The following PIP5K1B variants were observed in gnomAD, a reference collection of about 807,000 sequenced individuals.
The protein encoded by PIP5K1B is phosphatidylinositol-4-phosphate 5-kinase type 1 beta, also known as phosphatidylinositol 4-phosphate 5-kinase type-1 beta.
Under a neutral mutation model 67.0 loss-of-function variants are expected in PIP5K1B, and 42 were observed. The observed-to-expected ratio is 0.63, with a 90% CI of 0.49 to 0.81. The LOEUF is 0.81. Among genes scored for constraint, PIP5K1B ranks in the 30% least tolerant of loss-of-function variants. The pLI is 0.00. For synonymous variants in PIP5K1B, 214 were observed against 231.4 expected (o/e 0.92, Z 0.68); for missense variants, 459 against 646.3 (o/e 0.71, Z 3.14).
At chr9:68,839,245 T>G (rs1165280872) in intron 4 of PIP5K1B, among the ~76,000 whole-genome samples, 1 of 152,148 alleles carries the variant, frequency 6.6e-6, no homozygotes, top group Non-Finnish European at 1.5e-5. Context: ...GCTTCTTCAT[T>G]TGCAAAATTT....
At chr9:68,780,356 G>A in intron 2 of PIP5K1B, 1 of 1,612,202 alleles carries the variant, frequency 6.2e-7, no homozygotes, top group African/African-American at 1.3e-5. Context: ...ACAGCACAAC[G>A]TTCCCGAGCC....
intron 4 of PIP5K1B, among the ~76,000 whole-genome samples, chr9:68,829,432 A>C (rs1217004390): frequency 6.6e-6 from 1 of 152,232 alleles, no homozygotes; most frequent in Non-Finnish European, 1.5e-5. Context: ...CTCAACCAGC[A>C]ATTCTGCCTC....
In PIP5K1B at chr9:68,916,340, G is replaced by A. The variant is rs190436227; in HGVS notation, c.772-1208G>A. On this transcript the variant is annotated intron_variant, in intron 8 of 15. Transcript: ENST00000265382. ...GCTCTTCCGTCTGAAAAGGTCCTGA[G>A]TGTCAAAGCCCCACCTATACCCTGA... 6.1e-4 allele frequency among the ~76,000 whole-genome samples: 93 copies of A among 152,288 alleles called. 1 individual carries two copies. The highest frequency in any genetic ancestry group is 2.2e-3 in the African/African-American group (90 of 41,548).
At chr9:68,836,793 C>T (rs1016438681) in intron 4 of PIP5K1B, among the ~76,000 whole-genome samples, 7 of 152,156 alleles carry the variant, frequency 4.6e-5, no homozygotes, top group Non-Finnish European at 1.0e-4. Context: ...GGCTGTCTTA[C>T]CAGAAGCCAG....
intron 1 of PIP5K1B, among the ~76,000 whole-genome samples, chr9:68,724,047 A>G (rs1318327156): frequency 6.6e-6 from 1 of 151,958 alleles, no homozygotes; most frequent in South Asian, 2.1e-4. Context: ...TGATTTTTGT[A>G]TATGGTAAAA....
intron 1 of PIP5K1B, among the ~76,000 whole-genome samples, chr9:68,720,504 AT>A (rs200134056): frequency 9.6e-5 from 14 of 146,312 alleles, no homozygotes; most frequent in Admixed American, 2.7e-4. Flanking sequence ...ACACACCCTC[AT>A]TTTTTTTTTA....
At position 68,760,783 on chromosome 9, in the gene PIP5K1B, C is replaced by T. The variant is rs141713060; in HGVS notation, c.-86+18126C>T. The stretch of plus-strand genomic sequence containing the variant: ...TAATACGTAGGAGCTCACAAATATG[C>T]TAAAAATAAATGAGCATATGCCAAA... On this transcript the variant is annotated intron_variant, in intron 2 of 15. Transcript: ENST00000265382. Among the ~76,000 whole-genome samples the T allele has an allele frequency of 3.0e-3, 449 of 152,130 alleles. 10 individuals are homozygous for T. The highest frequency in any genetic ancestry group is 0.024 in the Admixed American group (365 of 15,260).
At chr9:68,906,388 T>A (rs1194304995) in intron 8 of PIP5K1B, among the ~76,000 whole-genome samples, 2 of 152,176 alleles carry the variant, frequency 1.3e-5, no homozygotes, top group Non-Finnish European at 2.9e-5. Context: ...ATACTGCATT[T>A]CTAAGTGACA....
At chr9:68,884,110 A>C (rs1824335532) in intron 6 of PIP5K1B, among the ~76,000 whole-genome samples, 1 of 152,222 alleles carries the variant, frequency 6.6e-6, no homozygotes, top group Non-Finnish European at 1.5e-5. Context: ...TCCTGAATGC[A>C]ACCCCAAAAG....
chr9:68,922,574 A>C (rs1826461595), intron 11 of PIP5K1B, among the ~76,000 whole-genome samples: 1 of 152,234 alleles, frequency 6.6e-6, no homozygotes, highest in African/African-American at 2.4e-5. Flanking sequence ...GATTTGGATA[A>C]ATGATTACTA....
rs1829934798 is a variant in PIP5K1B at position 68,756,570 on chromosome 9, ATTTTC to A, written c.-86+13918_-86+13922del. Among the ~76,000 whole-genome samples the A allele has an allele frequency of 4.6e-5, 7 of 152,100 alleles. No individual in the cohort carries two copies. In the South Asian group the frequency reaches 1.2e-3, roughly 27 times the overall value. ...TGAAAATAAAGAGAATTAGAAAAGA[ATTTTC>A]TTTTATCTTTCACCTTGTTTGAGGA... On this transcript the variant is annotated intron_variant, in intron 2 of 15. Coordinates refer to ENST00000265382, the MANE Select transcript of PIP5K1B (RefSeq NM_003558.4).
chr9:68,789,191 A>G (rs557595108), intron 2 of PIP5K1B: 4 of 538,006 alleles, frequency 7.4e-6, no homozygotes, highest in African/African-American at 1.9e-5. Flanking sequence ...ATCCAGTGGG[A>G]AGTTGGTCAC....
chr9:68,948,215 C>CT (rs1827893855), intron 14 of PIP5K1B, among the ~76,000 whole-genome samples: 1 of 152,178 alleles, frequency 6.6e-6, no homozygotes. Flanking sequence ...AAAAACCTTC[C>CT]TTATTCTTCA....
At chr9:68,874,621 A>T (rs966010065) in intron 5 of PIP5K1B, among the ~76,000 whole-genome samples, 46 of 152,212 alleles carry the variant, frequency 3.0e-4, no homozygotes, top group African/African-American at 9.9e-4. Flanking sequence ...ATAATAGTAA[A>T]TGCAGCATCC....
At chr9:68,815,254 C>T (rs1406201671) in intron 2 of PIP5K1B, among the ~76,000 whole-genome samples, 1 of 104,430 alleles carries the variant, frequency 9.6e-6, no homozygotes, top group East Asian at 3.2e-4. Flanking sequence ...AGCCTAAATG[C>T]TTTTGGTACT....
intron 1 of PIP5K1B, among the ~76,000 whole-genome samples, chr9:68,709,723 G>T (rs1449571816): frequency 6.6e-6 from 1 of 152,110 alleles, no homozygotes; most frequent in Non-Finnish European, 1.5e-5. Context: ...ACCAGCCTGG[G>T]CAACATAGCA....
chr9:68,753,512 TTTC>T, intron 2 of PIP5K1B, among the ~76,000 whole-genome samples: 2 of 96,406 alleles, frequency 2.1e-5, no homozygotes, highest in Non-Finnish European at 4.2e-5. Context: ...GCTAATTTTG[TTTC>T]TTTTTTTTTT....
intron 1 of PIP5K1B, among the ~76,000 whole-genome samples, chr9:68,735,232 T>C (rs1458569307): frequency 6.6e-6 from 1 of 151,084 alleles, no homozygotes; most frequent in Non-Finnish European, 1.5e-5. Context: ...CTTATATTAG[T>C]ATATACATTT....
At chr9:68,742,454 C>G (rs1470360752) in intron 1 of PIP5K1B, 47 bp from the exon 2 acceptor site, 1 of 152,222 alleles carries the variant, frequency 6.6e-6, no homozygotes, top group African/African-American at 2.4e-5. Flanking sequence ...TTATTCCCCT[C>G]TTCACCATGA....
Sources: gnomAD v4.1 joint callset for allele counts (sites outside exome capture counted in the v4.1 genomes callset) on GRCh38, gnomAD v4.1.1 for gene constraint, MANE v1.5 for transcripts, NCBI Gene and HGNC (gene_info 2026-07-23, HGNC 2026-07-21) for gene names.